CAST: variants seen among roughly 807,000 people sequenced by gnomAD.
CAST encodes the protein MIR583 host.
Under a neutral mutation model 119.6 loss-of-function variants are expected in CAST, and 76 were observed. The observed-to-expected ratio is 0.64, with a 90% CI of 0.53 to 0.77. CAST has a LOEUF of 0.77. Among genes scored for constraint, CAST ranks in the 30% least tolerant of loss-of-function variants. The pLI is 0.00. For synonymous variants in CAST, 319 were observed against 331.6 expected, an observed-to-expected ratio of 0.96 and a Z score of 0.41; for missense variants, 953 against 946.5, an observed-to-expected ratio of 1.01 and a Z score of -0.09.
At chr5:96,689,244 C>T (rs1474503634) in intron 2 of CAST, among the ~76,000 whole-genome samples, 1 of 152,106 alleles carries the variant, frequency 6.6e-6, no homozygotes, top group African/African-American at 2.4e-5. Flanking sequence ...ACACACTATC[C>T]CCACCCTTGT....
chr5:96,250,742 C>A, the CAST span, among the ~76,000 whole-genome samples: 1 of 151,650 alleles, frequency 6.6e-6, no homozygotes, highest in South Asian at 2.1e-4. Context: ...TTTAAATATC[C>A]CCTTTGGAAA....
chr5:96,652,436 A>G (rs535953622), intron 1 of CAST, among the ~76,000 whole-genome samples: 4 of 152,334 alleles, frequency 2.6e-5, no homozygotes, highest in Admixed American at 6.5e-5. Flanking sequence ...ATAGTGCTCA[A>G]TTAAAACTCT....
At chr5:96,238,338 T>TTCTTCTTCTTCTTCTTCC in the CAST span, among the ~76,000 whole-genome samples, 3 of 45,142 alleles carry the variant, frequency 6.6e-5, no homozygotes, top group Non-Finnish European at 1.6e-4. Flanking sequence ...CTTCTTCTTC[T>TTCTTCTTCTTCTTCTTCC]TCTTCTTCAT....
chr5:96,262,265 G>A, the CAST span, among the ~76,000 whole-genome samples: 1 of 152,206 alleles, frequency 6.6e-6, no homozygotes, highest in Non-Finnish European at 1.5e-5. Context: ...CGTAGCAGAT[G>A]GGAGTGTGGT....
At chr5:96,423,527 T>C in the CAST span, 1 of 1,417,348 alleles carries the variant, frequency 7.1e-7, no homozygotes, top group African/African-American at 1.4e-5. Flanking sequence ...GGCACTTCAG[T>C]TCCAACCTGG....
At chr5:96,716,539 G>A (rs1757217497) in intron 3 of CAST, among the ~76,000 whole-genome samples, 1 of 152,140 alleles carries the variant, frequency 6.6e-6, no homozygotes, top group African/African-American at 2.4e-5. Flanking sequence ...GATGGGGATG[G>A]GTGGCAACTC....
At chr5:96,096,193 C>A in the CAST span, among the ~76,000 whole-genome samples, 1 of 152,160 alleles carries the variant, frequency 6.6e-6, no homozygotes, top group Non-Finnish European at 1.5e-5. Context: ...GTGCAGGGAA[C>A]CTCCATGTAT....
At chr5:96,543,487 T>C (rs949844908) in intron 1 of CAST, among the ~76,000 whole-genome samples, 24 of 152,320 alleles carry the variant, frequency 1.6e-4, no homozygotes, top group African/African-American at 5.8e-4. Context: ...CCATGGCACA[T>C]GTATACCTAT....
chr5:96,745,366 T>C (rs1474816265), intron 16 of CAST, among the ~76,000 whole-genome samples: 1 of 152,254 alleles, frequency 6.6e-6, no homozygotes, highest in Non-Finnish European at 1.5e-5. Flanking sequence ...TTTAGTTACA[T>C]TTAATGTTTA....
the CAST span, among the ~76,000 whole-genome samples, chr5:96,401,236 T>C: frequency 1.3e-5 from 2 of 152,056 alleles, no homozygotes; most frequent in Non-Finnish European, 2.9e-5. Context: ...TAGAAAGATC[T>C]AGGAAAACTT....
At chr5:96,186,029 G>T in the CAST span, among the ~76,000 whole-genome samples, 1 of 152,048 alleles carries the variant, frequency 6.6e-6, no homozygotes, top group Non-Finnish European at 1.5e-5. Context: ...ATTTCTTTGT[G>T]CAGTGGTTTA....
At chr5:96,424,774 C>T in the CAST span, among the ~76,000 whole-genome samples, 1 of 151,830 alleles carries the variant, frequency 6.6e-6, no homozygotes, top group Non-Finnish European at 1.5e-5. Flanking sequence ...ACCAGACTGA[C>T]CAATGTGACA....
intron 1 of CAST, among the ~76,000 whole-genome samples, chr5:96,663,511 A>G (rs976349941): frequency 1.3e-4 from 20 of 152,248 alleles, no homozygotes; most frequent in Non-Finnish European, 5.9e-5. Context: ...TGAATGCACT[A>G]GGACGCAGCT....
the CAST span, among the ~76,000 whole-genome samples, chr5:96,254,929 C>T: frequency 6.6e-6 from 1 of 152,176 alleles, no homozygotes; most frequent in Admixed American, 6.5e-5. Flanking sequence ...TTTTATTCTC[C>T]TTTGTCGGGC....
the CAST span, among the ~76,000 whole-genome samples, chr5:96,129,989 G>A: frequency 6.7e-6 from 1 of 148,156 alleles, no homozygotes; most frequent in South Asian, 2.1e-4. Flanking sequence ...AATTCCATAT[G>A]AATAAATGCA....
chr5:96,729,505 T>G, intron 7 of CAST, 107 bp from the exon 8 acceptor site: 3 of 655,332 alleles, frequency 4.6e-6, no homozygotes, highest in Non-Finnish European at 8.4e-6. Flanking sequence ...ACAACTGTTA[T>G]GAACAATTTT....
intron 1 of CAST, among the ~76,000 whole-genome samples, chr5:96,650,788 A>G (rs980345642): frequency 2.0e-5 from 3 of 149,034 alleles, no homozygotes; most frequent in African/African-American, 7.4e-5. Context: ...CATTCGTGGG[A>G]GCATAGGTGG....
chr5:96,410,844 CAGGGGGAT>C, the CAST span: 2 of 1,614,046 alleles, frequency 1.2e-6, no homozygotes, highest in Non-Finnish European at 1.7e-6. Context: ...CTCAGCGTAC[CAGGGGGAT>C]AGGCCTTGCT....
chr5:96,167,848 C>T, the CAST span, among the ~76,000 whole-genome samples: 2 of 152,156 alleles, frequency 1.3e-5, no homozygotes, highest in African/African-American at 4.8e-5. Flanking sequence ...TTTGCCGGTC[C>T]TGGGCGGGGC....
Sources: gnomAD v4.1 joint callset for allele counts (sites outside exome capture counted in the v4.1 genomes callset) on GRCh38, gnomAD v4.1.1 for gene constraint, MANE v1.5 for transcripts, NCBI Gene and HGNC (gene_info 2026-07-23, HGNC 2026-07-21) for gene names.